The following RHNO1 variants were observed in gnomAD, a reference collection of about 807,000 sequenced individuals.
The protein encoded by RHNO1 is RAD9-HUS1-RAD1 interacting nuclear orphan 1, also known as RAD9, HUS1, RAD1-interacting nuclear orphan protein 1.
Under a neutral mutation model 7.2 loss-of-function variants are expected in RHNO1, and 9 were observed. The observed-to-expected ratio is 1.25, with a 90% CI of 0.75 to 2.18. The LOEUF is 2.18. RHNO1 is among the 30% of genes most tolerant of loss of function. The probability of loss-of-function intolerance (pLI) is 0.00; values close to 1 mark genes in which losing one functional copy is unlikely to be tolerated. For synonymous variants in RHNO1, 95 were observed against 107.5 expected, an observed-to-expected ratio of 0.88 and a Z score of 0.72; for missense variants, 292 against 284.5, an observed-to-expected ratio of 1.03 and a Z score of -0.19.
chr12:2,887,824 C>T (rs1278531875), intron 2 of RHNO1, 87 bp from the exon 3 acceptor site: 11 of 1,113,746 alleles, frequency 9.9e-6, no homozygotes, highest in African/African-American at 7.9e-5. Context: ...CAGTAGACCC[C>T]GATTTAAGAG....
At position 2,887,891 on chromosome 12, in the gene RHNO1, A is replaced by G. The variant is rs757430255; in HGVS notation, c.169-20A>G. 6.8e-6 allele frequency: 9 copies of G among 1,316,104 alleles called. No homozygotes were observed. 81.5% of individuals were successfully genotyped at this position (1,316,104 alleles called of 1,614,324 possible). A position where few individuals can be genotyped will look rare whatever the true frequency, so the allele number is the denominator to read the frequency against. On this transcript the variant is annotated intron_variant, in intron 2 of 2. Transcript: ENST00000489288. ...GTTAGTACTTAGTTAGGCTCACCTCACTTTTTTTTTTTTTTTAAGGTATCA... is the reference window on the plus strand; with the variant it reads ...GTTAGTACTTAGTTAGGCTCACCTCGCTTTTTTTTTTTTTTTAAGGTATCA...
intron 1 of RHNO1, among the ~76,000 whole-genome samples, chr12:2,882,358 G>A (rs1380228874): frequency 2.0e-5 from 3 of 151,462 alleles, no homozygotes; most frequent in Non-Finnish European, 4.4e-5. Flanking sequence ...GAGAAAAGTC[G>A]GGTTGGAGAT....
At chr12:2,883,500 TA>T (rs2098161239) in intron 1 of RHNO1, among the ~76,000 whole-genome samples, 4 of 24,724 alleles carry the variant, frequency 1.6e-4, no homozygotes, top group Admixed American at 6.2e-4. Context: ...TATATATATA[TA>T]TATATATATA....
At chr12:2,887,026 C>A in intron 2 of RHNO1, 1 of 454,882 alleles carries the variant, frequency 2.2e-6, no homozygotes, top group Non-Finnish European at 4.4e-6. Flanking sequence ...TGGTCCCTAC[C>A]CTCATGAAGT....
rs2098159526 is a variant in RHNO1 at position 2,882,721 on chromosome 12, GA to G, written c.-84-2557del. ...CCGTCTCAAAAGATAAAAGTATAGA[GA>G]AAAATCAAACAGGTCAAGGGGTTGA... On this transcript the variant is annotated intron_variant, in intron 1 of 2. Coordinates refer to ENST00000489288, the MANE Select transcript of RHNO1 (RefSeq NM_001252499.3). Among the ~76,000 whole-genome samples, 4 of 152,038 alleles carry G rather than the reference GA, an allele frequency of 2.6e-5. No homozygotes were observed. The South Asian group carries it at 8.3e-4, about 32-fold the overall frequency.
At chr12:2,883,935 A>T (rs1407210640) in intron 1 of RHNO1, among the ~76,000 whole-genome samples, 1 of 152,080 alleles carries the variant, frequency 6.6e-6, no homozygotes, top group African/African-American at 2.4e-5. Flanking sequence ...GGTCCATTAC[A>T]TTATTCAGTC....
At chr12:2,885,150 T>A (rs1167303476) in intron 1 of RHNO1, 133 bp from the exon 2 acceptor site, 11 of 488,396 alleles carry the variant, frequency 2.3e-5, no homozygotes, top group Non-Finnish European at 3.6e-5. Context: ...GTGTTTTGCT[T>A]GGTGGTTGTA....
chr12:2,885,001 C>A (rs961695666), intron 1 of RHNO1, among the ~76,000 whole-genome samples: 1 of 152,218 alleles, frequency 6.6e-6, no homozygotes, highest in African/African-American at 2.4e-5. Flanking sequence ...GGGATGACCT[C>A]TGTATCACTA....
chr12:2,882,447 C>T (rs2098159106), intron 1 of RHNO1, among the ~76,000 whole-genome samples: 1 of 151,960 alleles, frequency 6.6e-6, no homozygotes, highest in South Asian at 2.1e-4. Context: ...GCTTGTAACC[C>T]CAGCACTTTG....
At chr12:2,877,461 C>G in intron 1 of RHNO1, among the ~76,000 whole-genome samples, 179 bp downstream of exon 1, 1 of 152,208 alleles carries the variant, frequency 6.6e-6, no homozygotes, top group East Asian at 1.9e-4. Context: ...TCACGCCAGG[C>G]GACACGCCCC....
At position 2,885,638 on chromosome 12, in the gene RHNO1, G is replaced by C. The variant is rs1050082466; in HGVS notation, c.168+104G>C. The C allele has an allele frequency of 8.6e-6, 9 of 1,049,488 alleles. 1 individual carries two copies. The African/African-American group carries it at 1.1e-4, about 12-fold the overall frequency. The allele number at this position is 1,049,488 out of a possible 1,614,324, so 65.0% of individuals were successfully genotyped here. ...CGCCCAGGCTGGAGCACAGTGGCGC[G>C]ATCTTGGCTCACTGCAAGCTCCGCC... is the stretch of plus-strand genomic sequence containing the variant. On this transcript the variant is annotated intron_variant, in intron 2 of 2. Coordinates refer to ENST00000489288, the MANE Select transcript of RHNO1 (RefSeq NM_001252499.3).
At chr12:2,886,616 A>G (rs1167072502) in intron 2 of RHNO1, among the ~76,000 whole-genome samples, 2 of 148,008 alleles carry the variant, frequency 1.4e-5, no homozygotes, top group African/African-American at 5.0e-5. Context: ...AGATTGTGCT[A>G]CTGCACTCCA....
At chr12:2,883,499 A>T (rs1603503114) in intron 1 of RHNO1, among the ~76,000 whole-genome samples, 1 of 30,992 alleles carries the variant, frequency 3.2e-5, no homozygotes, top group Non-Finnish European at 6.4e-5. Flanking sequence ...ATATATATAT[A>T]TATATATATA....
At chr12:2,885,051 G>T (rs1213986335) in intron 1 of RHNO1, 1 of 283,162 alleles carries the variant, frequency 3.5e-6, no homozygotes, top group East Asian at 7.5e-5. Context: ...TGAATAAATG[G>T]TTATTCATCT....
intron 2 of RHNO1, chr12:2,887,020 C>A: frequency 2.2e-6 from 1 of 455,370 alleles, no homozygotes; most frequent in Non-Finnish European, 4.4e-6. Context: ...GACCACTGGT[C>A]CCTACCCTCA....
rs1384089525 is a variant in RHNO1, at chr12:2,888,414, G to GGA, written c.678_679dup (p.Gly227GlufsTer4). Reference sequence around the variant, plus strand: ...GACAGCACCTGCTTGCTTACCTCAGGGAGAGAGGGAAGCTGAGCAGAAGCC... The same window carrying GGA: ...GACAGCACCTGCTTGCTTACCTCAGGGAGAGAGAGGGAAGCTGAGCAGAAGCC... On this transcript the variant is annotated frameshift_variant, in exon 3 of 3. Transcript: ENST00000489288. LOFTEE classifies it high-confidence loss of function. 1.2e-6 allele frequency: 2 copies of GGA among 1,607,266 alleles called. No homozygotes were observed. The highest frequency in any genetic ancestry group is 1.7e-6 in the Non-Finnish European group (2 of 1,177,456).
Position 2,885,485 on chromosome 12 carries a change from C to T in RHNO1, c.119C>T (p.Thr40Ile), listed in dbSNP as rs748966358. Residue 40 changes from threonine to isoleucine, a missense_variant, in exon 2 of 3, where the codon ACT becomes ATT. Physicochemically the swap from Thr to Ile is moderately conservative, Grantham distance 89. Transcript: ENST00000489288. ...CASTQLPITH[T>I]RQVPSKPIDH... ...TCTACACAGCTTCCCATCACTCACA[C>T]TCGACAGGTGCCCAGCAAGCCCATT... is the stretch of plus-strand genomic sequence containing the variant. 3 of 1,613,824 alleles carry T rather than the reference C, an allele frequency of 1.9e-6. No homozygotes were observed. The highest frequency in any genetic ancestry group is 2.5e-6 in the Non-Finnish European group (3 of 1,179,960).
At chr12:2,881,149 C>CT (rs1463783845) in intron 1 of RHNO1, among the ~76,000 whole-genome samples, 2 of 152,068 alleles carry the variant, frequency 1.3e-5, no homozygotes, top group Non-Finnish European at 2.9e-5. Flanking sequence ...GTTGCCCAGG[C>CT]TGGAGTGCAG....
intron 1 of RHNO1, among the ~76,000 whole-genome samples, chr12:2,883,009 A>G (rs1389855565): frequency 7.4e-5 from 11 of 149,240 alleles, no homozygotes; most frequent in African/African-American, 2.2e-4. Context: ...TGAGGCTGCA[A>G]TGATCCATGA....
Sources: gnomAD v4.1 joint callset for allele counts (sites outside exome capture counted in the v4.1 genomes callset) on GRCh38, gnomAD v4.1.1 for gene constraint, MANE v1.5 for transcripts, NCBI Gene and HGNC (gene_info 2026-07-23, HGNC 2026-07-21) for gene names.